PIGB: variants seen among roughly 807,000 people sequenced by gnomAD.
The protein encoded by PIGB is phosphatidylinositol glycan anchor biosynthesis class B.
A neutral mutation model predicts 68.4 loss-of-function variants in PIGB; 58 were observed. The ratio of observed to expected loss-of-function variants is 0.85; its 90% confidence interval spans 0.69 to 1.06. The LOEUF (loss-of-function observed/expected upper bound fraction) is 1.06, where lower values mean the gene tolerates loss of function less well. Ranked by LOEUF, PIGB falls within the 50% of genes least tolerant of loss-of-function variation. The probability of loss-of-function intolerance (pLI) is 0.00; values close to 1 mark genes in which losing one functional copy is unlikely to be tolerated. For synonymous variants in PIGB, 219 were observed against 220.5 expected, an observed-to-expected ratio of 0.99 and a Z score of 0.06; for missense variants, 634 against 655.8, an observed-to-expected ratio of 0.97 and a Z score of 0.36.
At position 55,326,063 on chromosome 15, in the gene PIGB, G is replaced by A. The variant is rs915580861; in HGVS notation, c.418-1468G>A. ...ATACAAAAAATTAGCTGGGCGTGGCGGCGTGCACCTGTAGTCCCAGCTACT... is the reference window on the plus strand; with the variant it reads ...ATACAAAAAATTAGCTGGGCGTGGCAGCGTGCACCTGTAGTCCCAGCTACT... On this transcript the variant is annotated intron_variant, in intron 3 of 11. Coordinates refer to ENST00000164305, the MANE Select transcript of PIGB (RefSeq NM_004855.5). Among the ~76,000 whole-genome samples, 64 of 151,900 alleles carry A rather than the reference G, an allele frequency of 4.2e-4. 1 individual carries two copies. Among genetic ancestry groups the A allele is most frequent in the Admixed American group, 3.7e-3 (56 of 15,264 alleles).
At chr15:55,337,665 A>G (rs2055568242) in intron 6 of PIGB, among the ~76,000 whole-genome samples, 1 of 152,200 alleles carries the variant, frequency 6.6e-6, no homozygotes, top group South Asian at 2.1e-4. Flanking sequence ...AGGGCCCACC[A>G]ATTCCAATCC....
rs1224281432 is a variant in PIGB at position 55,340,589 on chromosome 15, T to C, written c.847-23T>C. The C allele has an allele frequency of 2.6e-6, 4 of 1,541,386 alleles. No homozygotes were observed. In the South Asian group the frequency reaches 3.5e-5, roughly 13 times the overall value. ...TACTTGGCACTAACACATTTCTATT[T>C]ATTTTTCCTTCAACGGTGCCAGTGG... On this transcript the variant is annotated intron_variant, in intron 7 of 11. Coordinates refer to ENST00000164305, the MANE Select transcript of PIGB (RefSeq NM_004855.5).
At chr15:55,328,623 C>T (rs1221460960) in intron 4 of PIGB, among the ~76,000 whole-genome samples, 4 of 152,184 alleles carry the variant, frequency 2.6e-5, no homozygotes. Context: ...GAAGGCTCAA[C>T]ATAAAATGGT....
At chr15:55,345,292 C>T (rs1048484721) in intron 9 of PIGB, among the ~76,000 whole-genome samples, 2 of 152,086 alleles carry the variant, frequency 1.3e-5, no homozygotes, top group African/African-American at 4.8e-5. Flanking sequence ...TCCCTATTTC[C>T]TCTCCCCAAA....
rs117580786 is a variant in PIGB at position 55,348,868 on chromosome 15, G to A, written c.1124-1831G>A. The stretch of plus-strand genomic sequence containing the variant: ...ATGTTGTTTTAGCCTACCAACCTAA[G>A]TTAAGTGCTTCAACTTATATTTGGG... On this transcript the variant is annotated intron_variant, in intron 9 of 11. Coordinates refer to ENST00000164305, the MANE Select transcript of PIGB (RefSeq NM_004855.5). 9.8e-5 allele frequency among the ~76,000 whole-genome samples: 15 copies of A among 152,306 alleles called. No individual in the cohort carries two copies. The East Asian group carries it at 2.9e-3, about 29-fold the overall frequency.
chr15:55,324,916 A>G, intron 3 of PIGB: 1 of 520,708 alleles, frequency 1.9e-6, no homozygotes, highest in Non-Finnish European at 2.5e-6. Flanking sequence ...TAACTTTCCA[A>G]TTTTAGCATT....
Position 55,355,316 on chromosome 15 carries a change from T to C in PIGB, c.1549T>C (p.Tyr517His). 1 of 1,611,056 alleles carries C rather than the reference T, an allele frequency of 6.2e-7. No individual in the cohort carries two copies. Among genetic ancestry groups the C allele is most frequent in the African/African-American group, 1.3e-5 (1 of 74,948 alleles). ...AAGCGCTTTCCTAATTTCAAGCAAT[T>C]ATAAAAGAACTGCTGTTTTCTTCCA... ...EISAFLISSN[Y>H]KRTAVFFHTH... is the part of the protein sequence containing the mutation. Residue 517 changes from tyrosine to histidine, a missense_variant, in exon 12 of 12, where the codon TAT becomes CAT. By Grantham distance (83) the Tyr-to-His change is moderately conservative. Coordinates refer to ENST00000164305, the MANE Select transcript of PIGB (RefSeq NM_004855.5).
chr15:55,347,540 G>A (rs2055822473), intron 9 of PIGB, among the ~76,000 whole-genome samples: 1 of 152,200 alleles, frequency 6.6e-6, no homozygotes, highest in African/African-American at 2.4e-5. Context: ...ACTGTGACAT[G>A]TAGTAAGGCT....
chr15:55,324,921 A>G (rs1740026691), intron 3 of PIGB: 2 of 500,690 alleles, frequency 4.0e-6, no homozygotes, highest in Admixed American at 6.4e-5. Flanking sequence ...TTCCAATTTT[A>G]GCATTTATTT....
chr15:55,326,991 T>A (rs2055303949), intron 3 of PIGB, among the ~76,000 whole-genome samples: 2 of 151,908 alleles, frequency 1.3e-5, no homozygotes, highest in African/African-American at 2.4e-5. Context: ...ATTAGCTGAG[T>A]GTGGCAGTGC....
At chr15:55,328,294 G>A (rs754174216) in intron 4 of PIGB, among the ~76,000 whole-genome samples, 6 of 152,140 alleles carry the variant, frequency 3.9e-5, no homozygotes, top group Non-Finnish European at 8.8e-5. Flanking sequence ...ACCCTGATGA[G>A]GGATTGGATT....
At chr15:55,333,573 A>G (rs2055468411) in intron 5 of PIGB, among the ~76,000 whole-genome samples, 1 of 152,172 alleles carries the variant, frequency 6.6e-6, no homozygotes, top group Non-Finnish European at 1.5e-5. Context: ...TCTACTGAAA[A>G]TACAAAAAAT....
intron 9 of PIGB, chr15:55,343,645 G>A (rs1454937711): frequency 6.6e-6 from 1 of 152,136 alleles, no homozygotes; most frequent in Non-Finnish European, 1.5e-5. Context: ...CCTATTCACA[G>A]TTTATTGAGA....
At chr15:55,320,751 T>A (rs1353821339) in intron 2 of PIGB, among the ~76,000 whole-genome samples, 1 of 152,174 alleles carries the variant, frequency 6.6e-6, no homozygotes, top group Non-Finnish European at 1.5e-5. Flanking sequence ...CAGACAGTGG[T>A]TGACTCTGGG....
Position 55,355,457 on chromosome 15 carries a change from CTGGG to C in PIGB, c.*29_*32del, listed in dbSNP as rs772274694. 1.9e-6 allele frequency: 3 copies of C among 1,581,384 alleles called. No homozygotes were observed. In the African/African-American group the frequency reaches 4.1e-5, roughly 21 times the overall value. On this transcript the variant is annotated 3_prime_UTR_variant, in exon 12 of 12. Transcript: ENST00000164305. ...AACTTTCCTAGATAAATTAACATTGCTGGGTGGAAATATTCAGATGCTGCTTAAA... is the reference window on the plus strand; with the variant it reads ...AACTTTCCTAGATAAATTAACATTGCTGGAAATATTCAGATGCTGCTTAAA...
intron 3 of PIGB, 62 bp downstream of exon 3, chr15:55,321,452 A>G (rs947852817): frequency 2.1e-6 from 3 of 1,405,744 alleles, no homozygotes; most frequent in African/African-American, 1.4e-5. Context: ...TTAAAAGGCT[A>G]CTGTTGCTGA....
chr15:55,342,345 A>G (rs1328028366), intron 9 of PIGB, among the ~76,000 whole-genome samples: 3 of 152,224 alleles, frequency 2.0e-5, no homozygotes, highest in Admixed American at 6.5e-5. Context: ...ATGCTTTTAC[A>G]CACAAAACAT....
rs1412316420 is a variant in PIGB at position 55,340,842 on chromosome 15, A to C, written c.1058+19A>C. The C allele has an allele frequency of 6.9e-7, 1 of 1,451,496 alleles. No homozygotes were observed. Among genetic ancestry groups the C allele is most frequent in the East Asian group, 2.4e-5 (1 of 42,192 alleles). 89.9% of individuals were successfully genotyped at this position (1,451,496 alleles called of 1,614,324 possible). A position where few individuals can be genotyped will look rare whatever the true frequency, so the allele number is the denominator to read the frequency against. Reference sequence around the variant, plus strand: ...TTTATAGGTAAGATTTTATTTGTTCAAAAGGCTAAAATTTTTTATGTTACC... The same window carrying C: ...TTTATAGGTAAGATTTTATTTGTTCCAAAGGCTAAAATTTTTTATGTTACC... On this transcript the variant is annotated intron_variant, in intron 8 of 11. Transcript: ENST00000164305.
chr15:55,329,577 C>T (rs1032581226), intron 4 of PIGB, 147 bp from the exon 5 acceptor site: 7 of 557,918 alleles, frequency 1.3e-5, no homozygotes, highest in Admixed American at 3.2e-5. Flanking sequence ...CTAAAAACGA[C>T]GTTTGGGCAT....
Sources: allele counts gnomAD v4.1 joint callset (sites outside exome capture counted in the v4.1 genomes callset), GRCh38; gene constraint gnomAD v4.1.1; transcripts MANE v1.5; gene names NCBI Gene and HGNC (gene_info 2026-07-23, HGNC 2026-07-21).